Variants in AKAP13 observed in about 807,000 individuals in gnomAD.
The protein encoded by AKAP13 is A-kinase anchor protein 13.
In AKAP13, 80 loss-of-function variants were observed where a neutral mutation model predicts 264.5. The observed-to-expected ratio is 0.30, with a 90% CI of 0.25 to 0.36. The LOEUF is 0.36. Ranked by LOEUF, AKAP13 falls within the 10% of genes least tolerant of loss-of-function variation. The probability of loss-of-function intolerance (pLI) is 1.00; values close to 1 mark genes in which losing one functional copy is unlikely to be tolerated. For synonymous variants in AKAP13, 1,380 were observed against 1,250.2 expected (o/e 1.10, Z -2.19); for missense variants, 3,712 against 3,435.2 (o/e 1.08, Z -2.01).
intron 30 of AKAP13, among the ~76,000 whole-genome samples, chr15:85,734,786 A>G (rs1236019424): frequency 6.6e-6 from 1 of 152,206 alleles, no homozygotes; most frequent in Non-Finnish European, 1.5e-5. Flanking sequence ...TTGCATATAA[A>G]GTGGAAGGTC....
intron 2 of AKAP13, among the ~76,000 whole-genome samples, chr15:85,500,458 CTGAGA>C (rs2076009102): frequency 6.6e-6 from 1 of 152,118 alleles, no homozygotes; most frequent in African/African-American, 2.4e-5. Flanking sequence ...ATTCTGTCAC[CTGAGA>C]TGAGACTATT....
At chr15:85,554,693 C>T (rs182010728) in intron 5 of AKAP13, among the ~76,000 whole-genome samples, 9 of 152,102 alleles carry the variant, frequency 5.9e-5, no homozygotes, top group Admixed American at 2.6e-4. Flanking sequence ...TCAATCGTTT[C>T]GGGTGTCCAG....
intron 1 of AKAP13, among the ~76,000 whole-genome samples, chr15:85,470,675 A>G (rs948966644): frequency 6.6e-6 from 1 of 152,134 alleles, no homozygotes; most frequent in South Asian, 2.1e-4. Context: ...TTGTAACTTT[A>G]TAATAAAGTC....
At chr15:85,585,678 T>G in intron 7 of AKAP13, 24 bp from the exon 8 acceptor site, 2 of 1,613,794 alleles carry the variant, frequency 1.2e-6, no homozygotes, top group Non-Finnish European at 1.7e-6. Context: ...AAAAATGTAC[T>G]CTGTAACCCC....
rs1002709127 is a variant in AKAP13 at position 85,727,374 on chromosome 15, G to A, written c.7005-7G>A. On this transcript the variant is annotated splice_polypyrimidine_tract_variant and splice_region_variant and intron_variant, in intron 28 of 36. Coordinates refer to ENST00000394518, the MANE Select transcript of AKAP13 (RefSeq NM_007200.5). This position sits in a 1 kb window ranked among gnomAD's most constrained non-coding sequence, Gnocchi z 5.3. The stretch of plus-strand genomic sequence containing the variant: ...TTTTTTGTTCTGTCTTGTTTGGGTT[G>A]TATTAGGAACAGAGATGAAGATGAA... The A allele has an allele frequency of 1.5e-5, 25 of 1,614,046 alleles. No individual in the cohort carries two copies. The highest frequency in any genetic ancestry group is 1.9e-5 in the Non-Finnish European group (23 of 1,180,028).
At chr15:85,432,225 A>C (rs1037261049) in intron 1 of AKAP13, among the ~76,000 whole-genome samples, 4 of 152,174 alleles carry the variant, frequency 2.6e-5, no homozygotes, top group African/African-American at 9.6e-5. Context: ...TTTTGGCTGC[A>C]AAATCCTGCC....
chr15:85,697,419 A>G (rs1436680173), intron 17 of AKAP13, among the ~76,000 whole-genome samples: 5 of 152,160 alleles, frequency 3.3e-5, no homozygotes, highest in Non-Finnish European at 7.4e-5. Context: ...AAATACAAAA[A>G]TTAGCCAGGC....
At chr15:85,648,490 A>G (rs1415332912) in intron 10 of AKAP13, among the ~76,000 whole-genome samples, 1 of 152,178 alleles carries the variant, frequency 6.6e-6, no homozygotes, top group African/African-American at 2.4e-5. Context: ...AAAATTGCTC[A>G]TATAAATGGC....
chr15:85,551,172 TC>T (rs1022982878), intron 5 of AKAP13, among the ~76,000 whole-genome samples: 1 of 152,190 alleles, frequency 6.6e-6, no homozygotes, highest in African/African-American at 2.4e-5. Context: ...TGCCTTTTTT[TC>T]CCCCTAAGTT....
In AKAP13 at chr15:85,717,998, T is replaced by C; in HGVS notation, c.5849-9T>C. The C allele has an allele frequency of 6.2e-7, 1 of 1,608,054 alleles. No homozygotes were observed. Among genetic ancestry groups the C allele is most frequent in the Non-Finnish European group, 8.5e-7 (1 of 1,176,138 alleles). On this transcript the variant is annotated splice_polypyrimidine_tract_variant and intron_variant, in intron 21 of 36. Coordinates refer to ENST00000394518, the MANE Select transcript of AKAP13 (RefSeq NM_007200.5). ...CCTGATTCTGATATTGATTTTTTGATATATTGAGGAGTAGGTACAGACATG... is the reference window on the plus strand; with the variant it reads ...CCTGATTCTGATATTGATTTTTTGACATATTGAGGAGTAGGTACAGACATG...
At chr15:85,743,061 C>G (rs1046943667) in intron 35 of AKAP13, among the ~76,000 whole-genome samples, 22 of 152,070 alleles carry the variant, frequency 1.4e-4, no homozygotes, top group African/African-American at 5.1e-4. Flanking sequence ...GGTGTAAGCT[C>G]GGCTTTTCCA....
At chr15:85,411,165 G>C (rs905550398) in intron 1 of AKAP13, among the ~76,000 whole-genome samples, 14 of 152,310 alleles carry the variant, frequency 9.2e-5, no homozygotes, top group African/African-American at 3.4e-4. Flanking sequence ...TGAAGCTGCC[G>C]ATGCCTTAGA....
At chr15:85,562,780 C>T (rs76940005) in intron 5 of AKAP13, among the ~76,000 whole-genome samples, 1 of 144,926 alleles carries the variant, frequency 6.9e-6, no homozygotes, top group South Asian at 2.2e-4. Flanking sequence ...ACTCCAACCT[C>T]TGCCTCCTGG....
At chr15:85,662,251 T>TA in intron 12 of AKAP13, 1 of 756,652 alleles carries the variant, frequency 1.3e-6, no homozygotes, top group Non-Finnish European at 2.3e-6. Flanking sequence ...TTGTCAGTGT[T>TA]ACATTCCTAA....
intron 1 of AKAP13, among the ~76,000 whole-genome samples, chr15:85,434,341 C>T (rs184300325): frequency 0.015 from 2,302 of 152,078 alleles, 56 homozygotes; most frequent in African/African-American, 0.048. Flanking sequence ...ATCTCGCTGA[C>T]TGCTAGCACA....
intron 2 of AKAP13, among the ~76,000 whole-genome samples, chr15:85,518,385 A>T (rs1359677911): frequency 6.6e-6 from 1 of 152,228 alleles, no homozygotes; most frequent in Non-Finnish European, 1.5e-5. Flanking sequence ...TACTCCTTCA[A>T]GGAAAACAGG....
chr15:85,433,087 C>A (rs1019553308), intron 1 of AKAP13, among the ~76,000 whole-genome samples: 5 of 149,314 alleles, frequency 3.3e-5, no homozygotes, highest in African/African-American at 1.2e-4. Flanking sequence ...TCCTTTTTCC[C>A]CCCTTTAACA....
chr15:85,571,022 G>GA (rs1317520294), intron 5 of AKAP13, among the ~76,000 whole-genome samples: 2 of 151,886 alleles, frequency 1.3e-5, no homozygotes, highest in African/African-American at 4.8e-5. Flanking sequence ...TTATCACTGA[G>GA]AAAGGAGAAA....
chr15:85,691,767 G>C (rs1278863578), intron 16 of AKAP13: 3 of 459,094 alleles, frequency 6.5e-6, no homozygotes, highest in Non-Finnish European at 1.3e-5. Context: ...CTGGGCAGTG[G>C]CTGGGCACAC....
Sources: allele counts gnomAD v4.1 joint callset (sites outside exome capture counted in the v4.1 genomes callset), GRCh38; gene constraint gnomAD v4.1.1; non-coding constraint Gnocchi (gnomAD v3.1); transcripts MANE v1.5; gene names NCBI Gene and HGNC (gene_info 2026-07-23, HGNC 2026-07-21).